The following EPB41L5 variants were observed in gnomAD, a reference collection of about 807,000 sequenced individuals.
EPB41L5 encodes band 4.1-like protein 5.
Under a neutral mutation model 106.6 loss-of-function variants are expected in EPB41L5, and 55 were observed. That is an observed-to-expected ratio of 0.52 (90% CI 0.42 to 0.65). EPB41L5 has a LOEUF of 0.65. EPB41L5 is among the 30% of genes least tolerant of loss of function. EPB41L5 has a pLI of 0.00. For synonymous variants in EPB41L5, 297 were observed against 306.7 expected (o/e 0.97, Z 0.33); for missense variants, 871 against 882.1 (o/e 0.99, Z 0.16).
intron 10 of EPB41L5, among the ~76,000 whole-genome samples, chr2:120,081,966 T>C (rs1682702535): frequency 6.6e-6 from 1 of 152,238 alleles, no homozygotes; most frequent in Non-Finnish European, 1.5e-5. Flanking sequence ...TTTTGTATAC[T>C]GAGACTTTGC....
intron 10 of EPB41L5, among the ~76,000 whole-genome samples, chr2:120,084,706 A>G (rs1574627540): frequency 6.6e-6 from 1 of 152,306 alleles, no homozygotes; most frequent in East Asian, 1.9e-4. Flanking sequence ...CCTGGATAAT[A>G]TCCTGCAGAG....
chr2:120,019,407 G>A, intron 2 of EPB41L5, 143 bp downstream of exon 2: 1 of 671,020 alleles, frequency 1.5e-6, no homozygotes. Context: ...GTAACATTCA[G>A]GTACATGGAT....
chr2:120,117,688 G>A (rs1345037969), intron 16 of EPB41L5, among the ~76,000 whole-genome samples: 2 of 152,166 alleles, frequency 1.3e-5, no homozygotes, highest in Admixed American at 6.5e-5. Flanking sequence ...CATCTTTAAA[G>A]TGTTTTGAGT....
At chr2:120,045,668 T>A (rs926469665) in intron 3 of EPB41L5, among the ~76,000 whole-genome samples, 4 of 152,212 alleles carry the variant, frequency 2.6e-5, no homozygotes, top group African/African-American at 4.8e-5. Flanking sequence ...TTTCTTTTTT[T>A]AAAATTTTTA....
chr2:120,031,256 A>G (rs1313977404), intron 2 of EPB41L5, among the ~76,000 whole-genome samples: 3 of 152,198 alleles, frequency 2.0e-5, no homozygotes, highest in Non-Finnish European at 2.9e-5. Context: ...CCACACAACC[A>G]GCTCCGCTTG....
chr2:120,086,409 G>A (rs1683055955), intron 10 of EPB41L5, among the ~76,000 whole-genome samples: 1 of 152,052 alleles, frequency 6.6e-6, no homozygotes, highest in African/African-American at 2.4e-5. Flanking sequence ...TTGGAAAGCG[G>A]GCCATAAAGC....
chr2:120,167,738 A>G, intron 23 of EPB41L5, 139 bp from the exon 24 acceptor site: 2 of 1,199,994 alleles, frequency 1.7e-6, no homozygotes, highest in Admixed American at 4.6e-5. Context: ...AATAGTTAAG[A>G]AAAACAAAAC....
intron 3 of EPB41L5, among the ~76,000 whole-genome samples, chr2:120,056,405 T>C (rs1680654582): frequency 6.6e-6 from 1 of 152,032 alleles, no homozygotes; most frequent in Non-Finnish European, 1.5e-5. Flanking sequence ...TTCAAGCGAT[T>C]CTCCTGCCTC....
intron 14 of EPB41L5, 100 bp downstream of exon 14, chr2:120,093,376 G>A (rs1335373601): frequency 2.1e-6 from 2 of 960,990 alleles, no homozygotes; most frequent in Non-Finnish European, 3.4e-6. Context: ...ATGTCAAGTT[G>A]TCCGTAAAGC....
intron 10 of EPB41L5, among the ~76,000 whole-genome samples, chr2:120,085,069 G>A (rs911623143): frequency 6.6e-6 from 1 of 152,036 alleles, no homozygotes; most frequent in Admixed American, 6.6e-5. Context: ...TGATGGGTTC[G>A]AACTTCCTCC....
At chr2:120,014,668 G>A (rs1010297849) in intron 1 of EPB41L5, among the ~76,000 whole-genome samples, 1 of 152,102 alleles carries the variant, frequency 6.6e-6, no homozygotes, top group East Asian at 1.9e-4. Context: ...GTGGAAGAGA[G>A]GTCAACTGGA....
At chr2:120,080,171 C>T (rs1164821364) in intron 10 of EPB41L5, among the ~76,000 whole-genome samples, 2 of 150,840 alleles carry the variant, frequency 1.3e-5, no homozygotes, top group East Asian at 1.9e-4. Flanking sequence ...AGGTTTGTTA[C>T]GTATGTATAC....
intron 14 of EPB41L5, among the ~76,000 whole-genome samples, chr2:120,097,280 G>A (rs1172820657): frequency 1.3e-5 from 2 of 152,154 alleles, no homozygotes; most frequent in East Asian, 3.9e-4. Flanking sequence ...CCATCGCAGT[G>A]CTTGAGAAAA....
At chr2:120,013,400 G>GGGC (rs774123517) in intron 1 of EPB41L5, 190 bp downstream of exon 1, 2 of 152,240 alleles carry the variant, frequency 1.3e-5, no homozygotes, top group South Asian at 2.1e-4. Context: ...CCGGAGGGAG[G>GGGC]GGCGGCGGCG....
intron 3 of EPB41L5, among the ~76,000 whole-genome samples, chr2:120,068,690 A>G (rs1681634199): frequency 1.3e-5 from 2 of 152,330 alleles, no homozygotes; most frequent in South Asian, 4.1e-4. Flanking sequence ...CCCAATTAAA[A>G]GACACAGACT....
At chr2:120,137,071 T>C (rs1194010502) in intron 18 of EPB41L5, among the ~76,000 whole-genome samples, 2 of 152,028 alleles carry the variant, frequency 1.3e-5, no homozygotes, top group African/African-American at 4.8e-5. Flanking sequence ...CAAGAGAAAC[T>C]TTGGAAACTA....
At chr2:120,084,839 T>G (rs1014549832) in intron 10 of EPB41L5, among the ~76,000 whole-genome samples, 1 of 152,200 alleles carries the variant, frequency 6.6e-6, no homozygotes, top group African/African-American at 2.4e-5. Context: ...TACTCTTTTT[T>G]TCTCTAAACT....
intron 20 of EPB41L5, among the ~76,000 whole-genome samples, chr2:120,151,677 C>T (rs776720891): frequency 2.8e-5 from 4 of 144,828 alleles, no homozygotes; most frequent in Non-Finnish European, 4.5e-5. Context: ...AATGCAATGG[C>T]GCGATTTTGG....
chr2:120,144,300 C>T (rs182272503), intron 19 of EPB41L5, among the ~76,000 whole-genome samples: 12 of 152,198 alleles, frequency 7.9e-5, no homozygotes, highest in South Asian at 2.1e-4. Flanking sequence ...AGGAATGGGC[C>T]CTCACCAAGC....
Sources: gnomAD v4.1 joint callset for allele counts (sites outside exome capture counted in the v4.1 genomes callset) on GRCh38, gnomAD v4.1.1 for gene constraint, MANE v1.5 for transcripts, NCBI Gene and HGNC (gene_info 2026-07-23, HGNC 2026-07-21) for gene names.